The following CLEC16A variants were observed in gnomAD, a reference collection of about 807,000 sequenced individuals.
CLEC16A encodes C-type lectin domain containing 16A.
CLEC16A carries 51 observed loss-of-function variants against 109.5 expected under a neutral mutation model. The observed-to-expected ratio is 0.47, with a 90% CI of 0.37 to 0.59. CLEC16A has a LOEUF of 0.59. Among genes scored for constraint, CLEC16A ranks in the 20% least tolerant of loss-of-function variants. The pLI, the probability that CLEC16A is intolerant of heterozygous loss-of-function variation, is 0.00. For missense variants in CLEC16A, 1,339 were observed against 1,394.0 expected, an observed-to-expected ratio of 0.96 and a Z score of 0.63; for synonymous variants, 673 against 564.2, an observed-to-expected ratio of 1.19 and a Z score of -2.73.
chr16:11,070,022 G>C (rs374075614), intron 19 of CLEC16A, among the ~76,000 whole-genome samples: 61 of 152,114 alleles, frequency 4.0e-4, no homozygotes, highest in African/African-American at 1.5e-3. Flanking sequence ...TGTATTGTCA[G>C]GATGTTACCT....
At chr16:11,044,656 C>G (rs1022652740) in intron 16 of CLEC16A, among the ~76,000 whole-genome samples, 1 of 152,176 alleles carries the variant, frequency 6.6e-6, no homozygotes, top group Non-Finnish European at 1.5e-5. Context: ...TGCCGCCAGG[C>G]ATGGTGGCTC....
chr16:11,169,303 T>C (rs920666591), intron 23 of CLEC16A, among the ~76,000 whole-genome samples: 7 of 152,190 alleles, frequency 4.6e-5, no homozygotes, highest in African/African-American at 1.7e-4. Context: ...TTTTGTTTTT[T>C]TGAGACAGAG....
rs1311607463 is a variant in CLEC16A at position 10,977,407 on chromosome 16, C to T, written c.903+8C>T. The T allele has an allele frequency of 6.2e-7, 1 of 1,611,034 alleles. No homozygotes were observed. Among genetic ancestry groups the T allele is most frequent in the South Asian group, 1.1e-5 (1 of 90,616 alleles). On this transcript the variant is annotated splice_region_variant and intron_variant, in intron 8 of 23. Transcript: ENST00000409790. ...CTGGAGAACCAGGACAAGGTGGGTC[C>T]AGCCCCGTGGCTCCCGCTGGCTGAA... is the stretch of plus-strand genomic sequence containing the variant.
At chr16:11,062,533 G>A (rs569979239) in intron 19 of CLEC16A, among the ~76,000 whole-genome samples, 2 of 152,160 alleles carry the variant, frequency 1.3e-5, no homozygotes, top group Non-Finnish European at 2.9e-5. Flanking sequence ...ACGTGACCAA[G>A]CATAGTGCCT....
chr16:11,074,237 G>A (rs1314061284), intron 19 of CLEC16A, among the ~76,000 whole-genome samples: 1 of 152,206 alleles, frequency 6.6e-6, no homozygotes, highest in South Asian at 2.1e-4. Flanking sequence ...TCAAGTTTCA[G>A]TTAAACCACC....
At position 11,172,127 on chromosome 16, in the gene CLEC16A, TACAC is replaced by T. The variant is rs755768791; in HGVS notation, c.2806+5577_2806+5580del. On this transcript the variant is annotated intron_variant, in intron 23 of 23. Coordinates refer to ENST00000409790, the MANE Select transcript of CLEC16A (RefSeq NM_015226.3). ...ATTTGCATGCATAGTCACACACACA[TACAC>T]AGTCACACATGCCACTGCACATGCT... Among the ~76,000 whole-genome samples, 110 of 149,270 alleles carry T rather than the reference TACAC, an allele frequency of 7.4e-4. 1 individual carries two copies. The highest frequency in any genetic ancestry group is 2.4e-3 in the African/African-American group (99 of 40,574).
At chr16:11,078,385 G>A (rs1468674337) in intron 19 of CLEC16A, among the ~76,000 whole-genome samples, 1 of 152,140 alleles carries the variant, frequency 6.6e-6, no homozygotes, top group Non-Finnish European at 1.5e-5. Flanking sequence ...GGAATGTTCT[G>A]GAACTCAGCA....
intron 10 of CLEC16A, among the ~76,000 whole-genome samples, chr16:10,995,354 A>G (rs1266569929): frequency 6.6e-6 from 1 of 152,182 alleles, no homozygotes; most frequent in Non-Finnish European, 1.5e-5. Flanking sequence ...CTGGCTTTGT[A>G]CCTTGCTGTG....
chr16:11,024,676 C>CATTG (rs1303221681), intron 12 of CLEC16A, 145 bp from the exon 13 acceptor site: 3 of 604,106 alleles, frequency 5.0e-6, no homozygotes, highest in Non-Finnish European at 8.9e-6. Context: ...TGTCTGTGTC[C>CATTG]TCAGTGCGTG....
chr16:11,003,059 G>A lies in CLEC16A; in HGVS notation c.1072-15G>A, dbSNP rs780883782. Reference sequence around the variant, plus strand: ...GTGTTCAAATTCACCTGTTGCCTTCGTTGGACTTTCCTAGGCCAAGCCCAG... The same window carrying A: ...GTGTTCAAATTCACCTGTTGCCTTCATTGGACTTTCCTAGGCCAAGCCCAG... On this transcript the variant is annotated splice_polypyrimidine_tract_variant and intron_variant, in intron 10 of 23. Transcript: ENST00000409790. 29 of 1,592,930 alleles carry A rather than the reference G, an allele frequency of 1.8e-5. No homozygotes were observed. The highest frequency in any genetic ancestry group is 1.7e-4 in the Middle Eastern group (1 of 5,944).
At chr16:11,147,490 G>A (rs939360564) in intron 22 of CLEC16A, among the ~76,000 whole-genome samples, 7 of 152,226 alleles carry the variant, frequency 4.6e-5, no homozygotes, top group Non-Finnish European at 7.3e-5. Context: ...CTGAAGGCGA[G>A]GTTCCAGGTT....
At chr16:11,149,090 A>T (rs1252344762) in intron 22 of CLEC16A, among the ~76,000 whole-genome samples, 1 of 152,252 alleles carries the variant, frequency 6.6e-6, no homozygotes, top group Non-Finnish European at 1.5e-5. Context: ...ATGGTGAATC[A>T]AAGTGGCCAG....
intron 23 of CLEC16A, among the ~76,000 whole-genome samples, chr16:11,168,251 C>T (rs982881310): frequency 6.6e-6 from 1 of 152,114 alleles, no homozygotes; most frequent in African/African-American, 2.4e-5. Flanking sequence ...TTTTTCTTGG[C>T]CTCCCTCAGC....
intron 19 of CLEC16A, among the ~76,000 whole-genome samples, chr16:11,114,742 G>C (rs2051854305): frequency 6.6e-6 from 1 of 152,150 alleles, no homozygotes; most frequent in African/African-American, 2.4e-5. Flanking sequence ...GCAGGGTACA[G>C]GAGTTCCCTA....
intron 11 of CLEC16A, among the ~76,000 whole-genome samples, chr16:11,019,500 G>T (rs539079462): frequency 6.6e-6 from 1 of 152,344 alleles, no homozygotes; most frequent in South Asian, 2.1e-4. Context: ...CAGACATGGT[G>T]GCTGACGCCT....
In CLEC16A at chr16:10,963,065, AC is replaced by A. The variant is rs759881177; in HGVS notation, c.343+478del. 3.5e-4 allele frequency among the ~76,000 whole-genome samples: 53 copies of A among 150,736 alleles called. No individual in the cohort carries two copies. In the Middle Eastern group the frequency reaches 0.01, roughly 29 times the overall value. On this transcript the variant is annotated intron_variant, in intron 3 of 23. Coordinates refer to ENST00000409790, the MANE Select transcript of CLEC16A (RefSeq NM_015226.3). ...GAGCAAGACCTTGTCTCCAACAACA[AC>A]AAAAAAAAAAGTTCAAGATCAAGTT...
At chr16:11,003,972 A>G (rs975469860) in intron 11 of CLEC16A, among the ~76,000 whole-genome samples, 1 of 147,146 alleles carries the variant, frequency 6.8e-6, no homozygotes, top group Admixed American at 6.8e-5. Flanking sequence ...TGTCTCTACA[A>G]AAAAAAAAAA....
Position 11,060,895 on chromosome 16 carries a change from G to C in CLEC16A, c.1996-7G>C. 6.2e-7 allele frequency: 1 copy of C among 1,604,334 alleles called. No individual in the cohort carries two copies. Among genetic ancestry groups the C allele is most frequent in the South Asian group, 1.1e-5 (1 of 89,750 alleles). On this transcript the variant is annotated splice_region_variant and splice_polypyrimidine_tract_variant and intron_variant, in intron 18 of 23. Coordinates refer to ENST00000409790, the MANE Select transcript of CLEC16A (RefSeq NM_015226.3). ...ACTCTTCTCTGCTCTCTGAACTGTT[G>C]GTCCAGGCCATCCGGGTGTTCTTCA...
intron 11 of CLEC16A, among the ~76,000 whole-genome samples, chr16:11,018,776 C>T (rs927721210): frequency 7.3e-6 from 1 of 136,348 alleles, no homozygotes; most frequent in African/African-American, 3.0e-5. Context: ...TGGAGACAAG[C>T]TTGGGATGTT....
Sources: allele counts gnomAD v4.1 joint callset (sites outside exome capture counted in the v4.1 genomes callset), GRCh38; gene constraint gnomAD v4.1.1; transcripts MANE v1.5; gene names NCBI Gene and HGNC (gene_info 2026-07-23, HGNC 2026-07-21).